PEX1: variants seen among roughly 807,000 people sequenced by gnomAD.
PEX1 encodes the protein peroxisomal biogenesis factor 1.
PEX1 carries 97 observed loss-of-function variants against 152.5 expected under a neutral mutation model. The ratio of observed to expected loss-of-function variants is 0.64; its 90% CI spans 0.54 to 0.75. PEX1 has a LOEUF of 0.75. Ranked by LOEUF, PEX1 falls within the 30% of genes least tolerant of loss-of-function variation. PEX1 has a pLI of 0.00. For synonymous variants in PEX1, 485 were observed against 531.6 expected (o/e 0.91, Z 1.21); for missense variants, 1,357 against 1,516.3 (o/e 0.89, Z 1.74).
intron 16 of PEX1, among the ~76,000 whole-genome samples, chr7:92,498,766 A>G (rs534271637): frequency 3.9e-5 from 6 of 152,314 alleles, no homozygotes; most frequent in African/African-American, 1.4e-4. Context: ...ACTTAGACCT[A>G]GTCTCACTTT....
intron 9 of PEX1, among the ~76,000 whole-genome samples, chr7:92,508,959 T>C (rs1792324570): frequency 6.6e-6 from 1 of 152,108 alleles, no homozygotes; most frequent in Non-Finnish European, 1.5e-5. Context: ...TGTATTTATT[T>C]GTTCTAAGAA....
intron 15 of PEX1, 22 bp from the exon 16 acceptor site, chr7:92,499,860 T>A (rs117738184): frequency 1.4e-6 from 2 of 1,480,982 alleles, no homozygotes. Flanking sequence ...AAAAAAAAAA[T>A]ATGAAAAAGA....
chr7:92,515,067 CTATATATATATATATATATATATATATA>C (rs67750906), intron 5 of PEX1, among the ~76,000 whole-genome samples: 1,483 of 125,122 alleles, frequency 0.012, 76 homozygotes, highest in African/African-American at 0.028. Flanking sequence ...AAAAAATTAT[CTATATATATATATATATATATATATATA>C]TATATATATA....
chr7:92,527,628 T>C (rs978637506), intron 1 of PEX1, among the ~76,000 whole-genome samples: 1 of 152,234 alleles, frequency 6.6e-6, no homozygotes, highest in African/African-American at 2.4e-5. Context: ...CCCCCATAAG[T>C]ACACTCAAAC....
chr7:92,516,202 G>C (rs533368626), intron 5 of PEX1, among the ~76,000 whole-genome samples: 64 of 152,240 alleles, frequency 4.2e-4, no homozygotes, highest in African/African-American at 1.3e-3. Context: ...GAGGCAGGCA[G>C]ATCACCTGAG....
intron 1 of PEX1, among the ~76,000 whole-genome samples, chr7:92,523,541 G>A (rs111558205): frequency 0.025 from 3,857 of 151,998 alleles, 55 homozygotes; most frequent in Middle Eastern, 0.075. Context: ...CTGGTCTTAA[G>A]CTCCTGGTCT....
chr7:92,522,205 A>T lies in PEX1; in HGVS notation c.170T>A (p.Phe57Tyr), dbSNP rs1335995849. The T allele has an allele frequency of 6.2e-7, 1 of 1,614,094 alleles. No homozygotes were observed. The highest frequency in any genetic ancestry group is 8.5e-7 in the Non-Finnish European group (1 of 1,179,966). Residue 57 changes from phenylalanine (F) to tyrosine (Y), a missense_variant, in exon 2 of 24, where the codon TTC becomes TAC. By Grantham distance (22) the Phe-to-Tyr change is conservative. Coordinates refer to ENST00000248633, the MANE Select transcript of PEX1 (RefSeq NM_000466.3). ...IEVVWSHQPAFLSWVEGRHFS... is the reference protein window; with the variant it reads ...IEVVWSHQPAYLSWVEGRHFS... Reference sequence around the variant, plus strand: ...ATGCCTGCCTTCCACCCAGCTCAAGAATGCAGGCTGGTGACTCCAGACCAC... The same window carrying T: ...ATGCCTGCCTTCCACCCAGCTCAAGTATGCAGGCTGGTGACTCCAGACCAC...
At chr7:92,502,942 A>T (rs2116154480) in intron 13 of PEX1, 99 bp downstream of exon 13, 1 of 995,586 alleles carries the variant, frequency 1.0e-6, no homozygotes, top group East Asian at 2.6e-5. Flanking sequence ...AAAATCATTA[A>T]GAGAAGCATA....
chr7:92,499,648 AC>A, intron 16 of PEX1, 55 bp downstream of exon 16: 1 of 1,420,490 alleles, frequency 7.0e-7, no homozygotes, highest in Non-Finnish European at 1.0e-6. Context: ...GAAATGGCTA[AC>A]TGCATTTATG....
chr7:92,496,864 A>C lies in PEX1; in HGVS notation c.2719-87T>G, dbSNP rs1456145063. ...TGACTAAGTCTAAATGAATCATGGAAATCTTTAATATGATTAAATGGATGT... is the reference window on the plus strand; with the variant it reads ...TGACTAAGTCTAAATGAATCATGGACATCTTTAATATGATTAAATGGATGT... On this transcript the variant is annotated intron_variant, in intron 16 of 23. Transcript: ENST00000248633. 7.3e-6 allele frequency: 6 copies of C among 818,868 alleles called. No homozygotes were observed. In the African/African-American group the frequency reaches 1.0e-4, roughly 14 times the overall value. The allele number at this position is 818,868 out of a possible 1,614,324, so 50.7% of individuals were successfully genotyped here.
At chr7:92,524,569 T>C (rs539490416) in intron 1 of PEX1, among the ~76,000 whole-genome samples, 2 of 152,316 alleles carry the variant, frequency 1.3e-5, no homozygotes, top group African/African-American at 4.8e-5. Flanking sequence ...AGCCAGCTTA[T>C]GTTTCTTTAA....
Position 92,491,320 on chromosome 7 carries a change from A to G in PEX1, c.3390T>C (p.Phe1130=). 1.9e-6 allele frequency: 3 copies of G among 1,614,068 alleles called. No homozygotes were observed. Among genetic ancestry groups the G allele is most frequent in the Non-Finnish European group, 2.5e-6 (3 of 1,179,932 alleles). The stretch of plus-strand genomic sequence containing the variant: ...CAAGTTCTGATTCATAAGAGCTTCC[A>G]AAGTAGAGCCGGTACATATTGAATT... ...ESKFNMYRLY[F]GSSYESELGN... is the part of the protein sequence containing the mutation. Residue 1130 remains phenylalanine (F), a synonymous_variant, in exon 21 of 24, where the codon TTT becomes TTC. Coordinates refer to ENST00000248633, the MANE Select transcript of PEX1 (RefSeq NM_000466.3).
intron 17 of PEX1, among the ~76,000 whole-genome samples, chr7:92,494,855 A>T (rs1436268352): frequency 6.6e-6 from 1 of 151,604 alleles, no homozygotes; most frequent in Non-Finnish European, 1.5e-5. Context: ...CTTTACAACA[A>T]ACCCTTAAAG....
intron 15 of PEX1, 33 bp downstream of exon 15, chr7:92,501,474 G>A (rs1183537580): frequency 1.9e-6 from 3 of 1,571,158 alleles, no homozygotes; most frequent in East Asian, 2.2e-5. Context: ...TCTTCTGGGA[G>A]TAAGTATTCA....
Position 92,511,024 on chromosome 7 carries a change from TA to T in PEX1, c.1506del (p.Ser502ArgfsTer2). On this transcript the variant is annotated frameshift_variant, in exon 8 of 24. Coordinates refer to ENST00000248633, the MANE Select transcript of PEX1 (RefSeq NM_000466.3). LOFTEE classifies it high-confidence loss of function. ...TKDGLKEFSL[S>X]IVHSWEKEKD... Reference sequence around the variant, plus strand: ...TTTTCTTTTTCCCAAGAATGAACTATACTCAGAGAAAATTCCTTCAGTCCTA... The same window carrying T: ...TTTTCTTTTTCCCAAGAATGAACTATCTCAGAGAAAATTCCTTCAGTCCTA... 6.4e-7 allele frequency: 1 copy of T among 1,556,894 alleles called. No homozygotes were observed. Among genetic ancestry groups the T allele is most frequent in the Non-Finnish European group, 8.9e-7 (1 of 1,129,076 alleles).
Position 92,521,846 on chromosome 7 carries a change from C to A in PEX1, c.273+256G>T, listed in dbSNP as rs553171035. 5.9e-5 allele frequency among the ~76,000 whole-genome samples: 9 copies of A among 152,198 alleles called. No individual in the cohort carries two copies. The East Asian group carries it at 1.2e-3, about 20-fold the overall frequency. On this transcript the variant is annotated intron_variant, in intron 2 of 23. Coordinates refer to ENST00000248633, the MANE Select transcript of PEX1 (RefSeq NM_000466.3). Reference sequence around the variant, plus strand: ...AGTAATTCAGAAGGAAAAATAATTTCATGAAACCAAAATTAGGGGATGTGG... The same window carrying A: ...AGTAATTCAGAAGGAAAAATAATTTAATGAAACCAAAATTAGGGGATGTGG...
chr7:92,522,417 A>G lies in PEX1; in HGVS notation c.130-172T>C, dbSNP rs111698503. Among the ~76,000 whole-genome samples the G allele has an allele frequency of 2.1e-3, 314 of 147,424 alleles. 1 individual carries two copies. The highest frequency in any genetic ancestry group is 7.5e-3 in the African/African-American group (301 of 40,184). Reference sequence around the variant, plus strand: ...AATCTATAATCATTTCCAACACCCAATGCTGGTGGATGCTAATGAAGCCAA... The same window carrying G: ...AATCTATAATCATTTCCAACACCCAGTGCTGGTGGATGCTAATGAAGCCAA... On this transcript the variant is annotated intron_variant, in intron 1 of 23. Coordinates refer to ENST00000248633, the MANE Select transcript of PEX1 (RefSeq NM_000466.3).
At chr7:92,528,280 TC>T (rs905302259) in intron 1 of PEX1, 26 bp downstream of exon 1, 1 of 1,548,838 alleles carries the variant, frequency 6.5e-7, no homozygotes, top group Non-Finnish European at 8.7e-7. Flanking sequence ...AGGCTGAAGA[TC>T]AGGTGGCTCG....
intron 12 of PEX1, among the ~76,000 whole-genome samples, chr7:92,503,543 C>G (rs1472791965): frequency 2.6e-5 from 4 of 152,178 alleles, no homozygotes; most frequent in African/African-American, 9.7e-5. Flanking sequence ...AATTTCCATA[C>G]TGTATTGTTT....
Sources: gnomAD v4.1 joint callset for allele counts (sites outside exome capture counted in the v4.1 genomes callset) on GRCh38, gnomAD v4.1.1 for gene constraint, MANE v1.5 for transcripts, NCBI Gene and HGNC (gene_info 2026-07-23, HGNC 2026-07-21) for gene names.